LRRC49: variants seen among roughly 807,000 people sequenced by gnomAD.
LRRC49 encodes the protein leucine-rich repeat-containing protein 49.
Under a neutral mutation model 83.3 loss-of-function variants are expected in LRRC49, and 50 were observed. The ratio of observed to expected loss-of-function variants is 0.60; its 90% CI spans 0.48 to 0.76. The LOEUF is 0.76. LRRC49 is among the 30% of genes least tolerant of loss of function. The pLI, the probability that LRRC49 is intolerant of heterozygous loss-of-function variation, is 0.00. For missense variants in LRRC49, 704 were observed against 809.1 expected (o/e 0.87, Z 1.58); for synonymous variants, 286 against 283.3 (o/e 1.01, Z -0.10).
At chr15:70,884,292 G>GGAGGC (rs2033345403) in intron 2 of LRRC49, among the ~76,000 whole-genome samples, 1 of 152,060 alleles carries the variant, frequency 6.6e-6, no homozygotes, top group African/African-American at 2.4e-5. Flanking sequence ...CAGCACTTCG[G>GGAGGC]GAGGCTGAGG....
chr15:70,863,343 G>A (rs1380200530), intron 1 of LRRC49, among the ~76,000 whole-genome samples: 1 of 152,180 alleles, frequency 6.6e-6, no homozygotes, highest in Non-Finnish European at 1.5e-5. Flanking sequence ...GTATGGGATG[G>A]TCTTTCAATA....
intron 11 of LRRC49, among the ~76,000 whole-genome samples, chr15:71,001,924 C>T (rs1175572691): frequency 6.6e-6 from 1 of 152,136 alleles, no homozygotes; most frequent in Non-Finnish European, 1.5e-5. Flanking sequence ...ATCTCCTGAC[C>T]TTGTGATCCG....
At chr15:71,007,709 G>GTGTATATATATATATATATATA (rs964626080) in intron 11 of LRRC49, among the ~76,000 whole-genome samples, 11 of 137,700 alleles carry the variant, frequency 8.0e-5, no homozygotes, top group African/African-American at 3.0e-4. Context: ...TGAGAAGCAT[G>GTGTATATATATATATATATATA]TATATATATA....
chr15:70,901,130 A>T, intron 4 of LRRC49, 106 bp downstream of exon 4: 1 of 639,574 alleles, frequency 1.6e-6, no homozygotes, highest in Non-Finnish European at 2.7e-6. Context: ...TTCCCCAGTT[A>T]TTCAATTCTC....
At chr15:70,892,402 TC>T, upstream of LRRC49, 1 of 1,541,372 alleles carries the variant, frequency 6.5e-7, no homozygotes, top group Non-Finnish European at 8.7e-7. Flanking sequence ...ATTGTTTCCT[TC>T]CCTACCTCTG....
intron 7 of LRRC49, among the ~76,000 whole-genome samples, chr15:70,933,679 C>G (rs112887241): frequency 6.6e-6 from 1 of 152,248 alleles, no homozygotes; most frequent in African/African-American, 2.4e-5. Context: ...TTGACATAGC[C>G]TTGGCTGTAT....
intron 8 of LRRC49, among the ~76,000 whole-genome samples, chr15:70,960,299 G>C (rs1362479005): frequency 6.6e-6 from 1 of 152,168 alleles, no homozygotes; most frequent in Non-Finnish European, 1.5e-5. Context: ...GTCTGACATA[G>C]AGTAGCCCTG....
intron 14 of LRRC49, among the ~76,000 whole-genome samples, chr15:71,022,768 T>C (rs1322373758): frequency 2.0e-5 from 3 of 152,144 alleles, no homozygotes; most frequent in Non-Finnish European, 4.4e-5. Flanking sequence ...GAGTAATTAA[T>C]AGAAAAAGGA....
intron 1 of LRRC49, among the ~76,000 whole-genome samples, chr15:70,869,091 A>G (rs756186600): frequency 2.3e-4 from 35 of 152,254 alleles, no homozygotes; most frequent in Admixed American, 1.2e-3. Flanking sequence ...TTATGCCACC[A>G]TTAAAGTAAT....
chr15:70,854,216 G>A (rs1380278605), intron 1 of LRRC49: 2 of 585,520 alleles, frequency 3.4e-6, no homozygotes, highest in Non-Finnish European at 4.5e-6. Context: ...GGGAGGGACA[G>A]GGGTCGCGGC....
intron 8 of LRRC49, among the ~76,000 whole-genome samples, chr15:70,957,169 T>C (rs2036432559): frequency 1.3e-5 from 2 of 152,246 alleles, no homozygotes. Flanking sequence ...ATCAATTTAA[T>C]TCCCCAAAGG....
intron 9 of LRRC49, 104 bp downstream of exon 9, chr15:70,964,036 T>C: frequency 8.8e-7 from 1 of 1,135,456 alleles, no homozygotes; most frequent in Non-Finnish European, 1.2e-6. Flanking sequence ...TTTAGTGAAC[T>C]ATGGGTTATC....
At chr15:70,952,570 A>G (rs1194501838) in intron 8 of LRRC49, among the ~76,000 whole-genome samples, 1 of 152,192 alleles carries the variant, frequency 6.6e-6, no homozygotes, top group East Asian at 1.9e-4. Flanking sequence ...CAGTCAGAGT[A>G]TGTGCCATGT....
chr15:70,894,657 C>T (rs2033753179), intron 2 of LRRC49: 1 of 1,277,788 alleles, frequency 7.8e-7, no homozygotes, highest in African/African-American at 1.5e-5. Context: ...AACCTCTAAC[C>T]ATCACAATTC....
intron 8 of LRRC49, among the ~76,000 whole-genome samples, chr15:70,943,983 T>A (rs2035916150): frequency 6.6e-6 from 1 of 152,184 alleles, no homozygotes; most frequent in Admixed American, 6.5e-5. Context: ...CATCCATATT[T>A]TTTTTGTTAC....
chr15:71,031,965 G>C (rs938188861), intron 14 of LRRC49, among the ~76,000 whole-genome samples: 9 of 152,112 alleles, frequency 5.9e-5, no homozygotes, highest in Non-Finnish European at 1.3e-4. Context: ...GAGACCACTT[G>C]GCTTCCTGGC....
At chr15:70,957,058 T>G (rs1017202393) in intron 8 of LRRC49, among the ~76,000 whole-genome samples, 1 of 152,220 alleles carries the variant, frequency 6.6e-6, no homozygotes, top group Non-Finnish European at 1.5e-5. Flanking sequence ...TGTTTTCTTC[T>G]ATACATAAAA....
chr15:71,041,297 A>G (rs778331736), intron 15 of LRRC49, among the ~76,000 whole-genome samples: 2 of 152,192 alleles, frequency 1.3e-5, no homozygotes. Context: ...CTCAATACAG[A>G]TAATGCAATG....
At chr15:70,952,395 CT>C (rs370002269) in intron 8 of LRRC49, among the ~76,000 whole-genome samples, 1 of 151,708 alleles carries the variant, frequency 6.6e-6, no homozygotes, top group African/African-American at 2.4e-5. Flanking sequence ...TGGTCTAGGG[CT>C]TTTTTTGGTT....
Sources: gnomAD v4.1 joint callset for allele counts (sites outside exome capture counted in the v4.1 genomes callset) on GRCh38, gnomAD v4.1.1 for gene constraint, MANE v1.5 for transcripts, NCBI Gene and HGNC (gene_info 2026-07-23, HGNC 2026-07-21) for gene names.